Variants in TCL1B observed in about 807,000 individuals in gnomAD.
TCL1B encodes the protein TCL1 family AKT coactivator B, also known as T-cell leukemia/lymphoma protein 1B.
TCL1B carries 14 observed loss-of-function variants against 16.9 expected under a neutral mutation model. The observed-to-expected ratio is 0.83, with a 90% CI of 0.55 to 1.30. The LOEUF (loss-of-function observed/expected upper bound fraction) is 1.30. TCL1B is among the 50% of genes most tolerant of loss of function. The pLI is 0.00. For synonymous variants in TCL1B, 79 were observed against 66.6 expected, an observed-to-expected ratio of 1.19 and a Z score of -0.91; for missense variants, 166 against 165.2, an observed-to-expected ratio of 1.00 and a Z score of -0.03.
Position 95,690,854 on chromosome 14 carries a change from G to A in TCL1B, c.281G>A (p.Arg94Lys), listed in dbSNP as rs781645242. Reference sequence around the variant, plus strand: ...GCCGTGTGGCAGCTCTACCCCGGGAGGAAGTACCGAGCAGCGGATTCCAGT... The same window carrying A: ...GCCGTGTGGCAGCTCTACCCCGGGAAGAAGTACCGAGCAGCGGATTCCAGT... Reference protein sequence around the residue: ...LPAVWQLYPGRKYRAADSSFW... With the variant: ...LPAVWQLYPGKKYRAADSSFW... Residue 94 changes from arginine to lysine, a missense_variant, in exon 2 of 4, where the codon AGG (arginine) becomes AAG (lysine). Arg to Lys is a conservative substitution (Grantham distance 26, BLOSUM62 2). Coordinates refer to ENST00000340722, the MANE Select transcript of TCL1B (RefSeq NM_004918.4). 1 of 1,614,094 alleles carries A rather than the reference G, an allele frequency of 6.2e-7. No individual in the cohort carries two copies. The highest frequency in any genetic ancestry group is 8.5e-7 in the Non-Finnish European group (1 of 1,180,026).
chr14:95,690,700 A>C (rs1885859907), intron 1 of TCL1B, 36 bp from the exon 2 acceptor site: 1 of 1,589,468 alleles, frequency 6.3e-7, no homozygotes, highest in African/African-American at 1.3e-5. Flanking sequence ...AGGGAACCCT[A>C]TCCATGATTT....
At chr14:95,689,286 CAAACAAAACAAAGCA>C (rs1344327214) in intron 1 of TCL1B, 4 of 151,132 alleles carry the variant, frequency 2.6e-5, no homozygotes, top group African/African-American at 4.9e-5. Flanking sequence ...GACTCCGTCT[CAAACAAAACAAAGCA>C]AAACAAAAAA....
At chr14:95,686,653 G>A (rs1885767763) in intron 1 of TCL1B, 24 bp downstream of exon 1, 1 of 1,588,732 alleles carries the variant, frequency 6.3e-7, no homozygotes, top group Non-Finnish European at 8.6e-7. Context: ...ACGAGGGGAG[G>A]CTGTGGGGAG....
chr14:95,686,703 G>C (rs1294294709), intron 1 of TCL1B, 74 bp downstream of exon 1: 10 of 1,474,640 alleles, frequency 6.8e-6, no homozygotes, highest in Non-Finnish European at 9.0e-6. Flanking sequence ...ACCGCGGTGG[G>C]GGTCAGAGGG....
Position 95,690,763 on chromosome 14 carries a change from T to C in TCL1B, c.190T>C (p.Trp64Arg). The C allele has an allele frequency of 6.2e-7, 1 of 1,614,070 alleles. No homozygotes were observed. Among genetic ancestry groups the C allele is most frequent in the Non-Finnish European group, 8.5e-7 (1 of 1,179,900 alleles). The change falls in exon 2 of 4, where the codon TGG becomes CGG. Residue 64 changes from tryptophan (W) to arginine (R), a missense_variant. Trp to Arg is a moderately radical substitution (Grantham distance 101). Coordinates refer to ENST00000340722, the MANE Select transcript of TCL1B (RefSeq NM_004918.4). Reference protein sequence around the residue: ...RYEPSITVHLWQMAVHTRELL... With the variant: ...RYEPSITVHLRQMAVHTRELL... ...TGAACCCAGCATCACAGTGCACTTG[T>C]GGCAGATGGCAGTGCATACCCGGGA...
intron 3 of TCL1B, 197 bp from the exon 4 acceptor site, chr14:95,691,734 C>T (rs1885891473): frequency 1.1e-5 from 2 of 188,876 alleles, no homozygotes; most frequent in Non-Finnish European, 1.1e-5. Flanking sequence ...ACTGAGGTGC[C>T]GTGTGACGGT....
intron 1 of TCL1B, 38 bp downstream of exon 1, chr14:95,686,667 T>C (rs750305435): frequency 6.4e-7 from 1 of 1,565,294 alleles, no homozygotes; most frequent in South Asian, 1.2e-5. Flanking sequence ...TGGGGAGGGC[T>C]GCGCACTGAC....
At position 95,690,841 on chromosome 14, in the gene TCL1B, C is replaced by T. The variant is rs1183269379; in HGVS notation, c.268C>T (p.Leu90Phe). 6.2e-7 allele frequency: 1 copy of T among 1,614,168 alleles called. No individual in the cohort carries two copies. Among genetic ancestry groups the T allele is most frequent in the Non-Finnish European group, 8.5e-7 (1 of 1,179,974 alleles). ...PFSQLPAVWQ[L>F]YPGRKYRAAD... is the part of the protein sequence containing the mutation. ...CTCCCAGCTGCCCGCCGTGTGGCAG[C>T]TCTACCCCGGGAGGAAGTACCGAGC... The change falls in exon 2 of 4, where the codon CTC becomes TTC. Residue 90 changes from leucine to phenylalanine, a missense_variant. Coordinates refer to ENST00000340722, the MANE Select transcript of TCL1B (RefSeq NM_004918.4).
In TCL1B at chr14:95,692,483, A is replaced by C. The variant is rs1257654419; in HGVS notation, c.*568A>C. ...AGCAAGCAATGTACACCAGAGCCTC[A>C]GTGAGCCCATCTGCACAGTGGGGAG... On this transcript the variant is annotated 3_prime_UTR_variant, in exon 4 of 4. Transcript: ENST00000340722. The C allele has an allele frequency of 6.6e-6, 1 of 152,302 alleles. No homozygotes were observed. Among genetic ancestry groups the C allele is most frequent in the Non-Finnish European group, 1.5e-5 (1 of 68,114 alleles). The allele number at this position is 152,302 out of a possible 1,614,324, so 9.4% of individuals were successfully genotyped here. A position where few individuals can be genotyped will look rare whatever the true frequency, so the allele number is the denominator to read the frequency against.
chr14:95,686,485 T>C lies in TCL1B; in HGVS notation c.18T>C (p.Ser6=). MASEA[S]VRLGVPPGRL... ...GACTTGCCATGGCCTCCGAAGCTTC[T>C]GTGCGTCTAGGGGTGCCCCCTGGCC... Residue 6 remains serine, a synonymous_variant, in exon 1 of 4, where the codon TCT becomes TCC. Transcript: ENST00000340722. 1.2e-6 allele frequency: 2 copies of C among 1,602,868 alleles called. No homozygotes were observed. The highest frequency in any genetic ancestry group is 1.7e-6 in the Non-Finnish European group (2 of 1,174,602).
At chr14:95,691,423 C>G in intron 3 of TCL1B, 87 bp downstream of exon 3, 1 of 1,237,374 alleles carries the variant, frequency 8.1e-7, no homozygotes. Context: ...GCGTGGCCTC[C>G]TCCTCCCTGC....
Position 95,686,526 on chromosome 14 carries a change from G to A in TCL1B, c.59G>A (p.Arg20Lys). The A allele has an allele frequency of 1.2e-6, 2 of 1,613,900 alleles. No homozygotes were observed. Among genetic ancestry groups the A allele is most frequent in the Non-Finnish European group, 1.7e-6 (2 of 1,179,892 alleles). ...GVPPGRLWIQRPGIYEDEEGR... is the reference protein window; with the variant it reads ...GVPPGRLWIQKPGIYEDEEGR... ...CCCCCTGGCCGTCTGTGGATCCAGA[G>A]GCCTGGCATCTACGAAGATGAGGAG... Residue 20 changes from arginine to lysine, a missense_variant, in exon 1 of 4, where the codon AGG (arginine) becomes AAG (lysine). Arg to Lys is a conservative substitution (Grantham distance 26). Coordinates refer to ENST00000340722, the MANE Select transcript of TCL1B (RefSeq NM_004918.4).
chr14:95,689,444 G>A (rs574286922), intron 1 of TCL1B: 4 of 151,900 alleles, frequency 2.6e-5, no homozygotes, highest in African/African-American at 7.2e-5. Context: ...AAAATAGATC[G>A]ATGTCTTAGG....
At chr14:95,690,114 C>T (rs1482779602) in intron 1 of TCL1B, among the ~76,000 whole-genome samples, 1 of 152,216 alleles carries the variant, frequency 6.6e-6, no homozygotes, top group East Asian at 1.9e-4. Context: ...GAAATCTTCT[C>T]ACCTTAGCTT....
intron 1 of TCL1B, 99 bp from the exon 2 acceptor site, chr14:95,690,637 T>C (rs931450165): frequency 1.5e-6 from 2 of 1,347,026 alleles, no homozygotes; most frequent in African/African-American, 2.9e-5. Flanking sequence ...TGAAAACATT[T>C]ACCTCTGACC....
At chr14:95,686,757 T>A in intron 1 of TCL1B, 128 bp downstream of exon 1, 1 of 1,176,012 alleles carries the variant, frequency 8.5e-7, no homozygotes, top group Non-Finnish European at 1.2e-6. Context: ...TGTGCAGGTC[T>A]AGGAGCGCAG....
intron 1 of TCL1B, among the ~76,000 whole-genome samples, chr14:95,687,952 A>C (rs990765552): frequency 1.6e-3 from 3 of 1,928 alleles, no homozygotes; most frequent in Admixed American, 5.3e-3. Context: ...ACTCCGTCCC[A>C]AAAAAAAAAA....
At chr14:95,687,113 C>G (rs1885778194) in intron 1 of TCL1B, among the ~76,000 whole-genome samples, 1 of 152,352 alleles carries the variant, frequency 6.6e-6, no homozygotes, top group Non-Finnish European at 1.5e-5. Context: ...CTGTGGCAAG[C>G]TAGTCACAGA....
chr14:95,691,208 G>T, intron 2 of TCL1B, 60 bp from the exon 3 acceptor site: 1 of 1,584,512 alleles, frequency 6.3e-7, no homozygotes. Flanking sequence ...ATGGGCGGCC[G>T]TTAAGGCCAA....
Sources: gnomAD v4.1 joint callset for allele counts (sites outside exome capture counted in the v4.1 genomes callset) on GRCh38, gnomAD v4.1.1 for gene constraint, MANE v1.5 for transcripts, NCBI Gene and HGNC (gene_info 2026-07-23, HGNC 2026-07-21) for gene names.